MYPN: variants seen among roughly 807,000 people sequenced by gnomAD.
MYPN encodes the protein sarcomeric protein myopalladin, 145 kDa (MYOP).
Under a neutral mutation model 129.4 loss-of-function variants are expected in MYPN, and 63 were observed. The observed-to-expected ratio is 0.49, with a 90% CI of 0.40 to 0.60. MYPN has a LOEUF of 0.60. Among genes scored for constraint, MYPN ranks in the 20% least tolerant of loss-of-function variants. MYPN has a pLI of 0.00. For missense variants in MYPN, 1,596 were observed against 1,635.4 expected (o/e 0.98, Z 0.42); for synonymous variants, 629 against 600.9 (o/e 1.05, Z -0.68).
intron 12 of MYPN, among the ~76,000 whole-genome samples, chr10:68,182,304 AAC>A (rs201682907): frequency 0.5 from 32,296 of 64,728 alleles, 7,625 homozygotes; most frequent in East Asian, 0.81. Context: ...ACATATATAT[AAC>A]ACACACATAT....
intron 18 of MYPN, among the ~76,000 whole-genome samples, chr10:68,204,384 C>T (rs12415303): frequency 0.41 from 62,532 of 152,046 alleles, 13,697 homozygotes; most frequent in Non-Finnish European, 0.49. Context: ...CAGGCTCAAG[C>T]CCTATTCAAT....
Position 68,122,273 on chromosome 10 carries a change from G to C in MYPN, c.835G>C (p.Glu279Gln), listed in dbSNP as rs1187225110. The stretch of plus-strand genomic sequence containing the variant: ...GTTCACTCAAAAGTTACGGAGCAGA[G>C]AAGTTCCAGAAGGAACTCGAGTACA... Reference protein sequence around the residue: ...PRFTQKLRSREVPEGTRVQLD... With the variant: ...PRFTQKLRSRQVPEGTRVQLD... Residue 279 changes from glutamate to glutamine, a missense_variant, in exon 2 of 20, where the codon GAA becomes CAA. Physicochemically the swap from Glu to Gln is conservative, Grantham distance 29 (BLOSUM62 2). Coordinates refer to ENST00000358913, the MANE Select transcript of MYPN (RefSeq NM_032578.4). The C allele has an allele frequency of 6.2e-7, 1 of 1,613,922 alleles. No individual in the cohort carries two copies. The highest frequency in any genetic ancestry group is 8.5e-7 in the Non-Finnish European group (1 of 1,179,990).
chr10:68,143,420 C>T (rs867352076), intron 3 of MYPN, among the ~76,000 whole-genome samples: 14 of 151,542 alleles, frequency 9.2e-5, no homozygotes, highest in Middle Eastern at 3.2e-3. Flanking sequence ...GTGTAGGGGG[C>T]GGAGGAGTGG....
At chr10:68,158,939 C>T (rs531869737) in intron 7 of MYPN, among the ~76,000 whole-genome samples, 15 of 151,464 alleles carry the variant, frequency 9.9e-5, no homozygotes, top group African/African-American at 3.4e-4. Context: ...CTCACTCTGT[C>T]ACCCAGGCTG....
At chr10:68,122,486 T>C in intron 2 of MYPN, 146 bp downstream of exon 2, 1 of 792,606 alleles carries the variant, frequency 1.3e-6, no homozygotes, top group Admixed American at 2.3e-5. Context: ...CTTGGTCCAA[T>C]AGAAATGTAA....
At chr10:68,168,793 C>G (rs116742076) in intron 10 of MYPN, among the ~76,000 whole-genome samples, 1 of 151,636 alleles carries the variant, frequency 6.6e-6, no homozygotes, top group Non-Finnish European at 1.5e-5. Context: ...ATGCCAGAGT[C>G]GGGATGAAAA....
chr10:68,139,311 T>C (rs1439781779), intron 2 of MYPN, among the ~76,000 whole-genome samples: 2 of 152,200 alleles, frequency 1.3e-5, no homozygotes, highest in Non-Finnish European at 2.9e-5. Context: ...GCTGCACAAA[T>C]TGGCTTCTTC....
chr10:68,177,418 A>T (rs1439402462), intron 12 of MYPN, among the ~76,000 whole-genome samples: 1 of 152,226 alleles, frequency 6.6e-6, no homozygotes, highest in Non-Finnish European at 1.5e-5. Context: ...TGCCATGGAT[A>T]ATGAAATCCA....
chr10:68,117,790 A>G (rs902120813), intron 1 of MYPN, among the ~76,000 whole-genome samples: 1 of 150,992 alleles, frequency 6.6e-6, no homozygotes, highest in Non-Finnish European at 1.5e-5. Context: ...AAATAATAAT[A>G]ATAATTATTA....
At chr10:68,170,041 C>A (rs2043121721) in intron 10 of MYPN, among the ~76,000 whole-genome samples, 1 of 152,070 alleles carries the variant, frequency 6.6e-6, no homozygotes, top group African/African-American at 2.4e-5. Flanking sequence ...CGCACCCAGA[C>A]AAAAGTCACA....
intron 15 of MYPN, among the ~76,000 whole-genome samples, chr10:68,196,183 G>A (rs2043601061): frequency 6.6e-6 from 1 of 152,212 alleles, no homozygotes; most frequent in South Asian, 2.1e-4. Flanking sequence ...ACCCATTGAA[G>A]TAAGTTACCA....
At chr10:68,207,046 T>A (rs1442946813) in intron 19 of MYPN, 143 bp downstream of exon 19, 1 of 1,014,146 alleles carries the variant, frequency 9.9e-7, no homozygotes, top group Non-Finnish European at 1.5e-6. Context: ...TCACCTGAGG[T>A]CAGGAGTTCA....
rs1189234094 is a variant in MYPN at position 68,113,022 on chromosome 10, T to C, written c.-2+3299T>C. Among the ~76,000 whole-genome samples, 2 of 152,334 alleles carry C rather than the reference T, an allele frequency of 1.3e-5. 1 individual carries two copies. The highest frequency in any genetic ancestry group is 2.9e-5 in the Non-Finnish European group (2 of 68,026). The stretch of plus-strand genomic sequence containing the variant: ...TTCTCTAGGGTGATATCATTGGATA[T>C]AGAAGGCAAAACCAACAGGTCAATA... On this transcript the variant is annotated intron_variant, in intron 1 of 19. Transcript: ENST00000358913.
At chr10:68,142,029 A>G (rs1441347214) in intron 2 of MYPN, among the ~76,000 whole-genome samples, 1 of 152,192 alleles carries the variant, frequency 6.6e-6, no homozygotes, top group Non-Finnish European at 1.5e-5. Context: ...TAGCCTATAC[A>G]TTTGTCATTT....
chr10:68,090,105 T>G (rs760610376), intron 1 of MYPN, among the ~76,000 whole-genome samples: 2 of 152,162 alleles, frequency 1.3e-5, no homozygotes, highest in African/African-American at 2.4e-5. Context: ...TTATAAAACC[T>G]ACAGAGCAGA....
intron 1 of MYPN, among the ~76,000 whole-genome samples, 198 bp downstream of exon 1, chr10:68,109,921 C>T (rs1306892641): frequency 6.6e-6 from 1 of 152,112 alleles, no homozygotes; most frequent in Non-Finnish European, 1.5e-5. Flanking sequence ...ATTGATGAGA[C>T]TCACAGAGAT....
At position 68,182,317 on chromosome 10, in the gene MYPN, ATATAACATATATATAACAC is replaced by A. The variant is rs1233296264; in HGVS notation, c.2704-6587_2704-6569del. Among the ~76,000 whole-genome samples, 348 of 78,892 alleles carry A rather than the reference ATATAACATATATATAACAC, an allele frequency of 4.4e-3. 25 individuals are homozygous for A. The highest frequency in any genetic ancestry group is 0.021 in the Middle Eastern group (4 of 190). The allele number at this position is 78,892 out of a possible 152,430, so 51.8% of individuals were successfully genotyped here. A position where few individuals can be genotyped will look rare whatever the true frequency, so the allele number is the denominator to read the frequency against. ...TAACATATATATAACACACACATAT[ATATAACATATATATAACAC>A]ACACATATATAACATATATATAACA... On this transcript the variant is annotated intron_variant, in intron 12 of 19. Transcript: ENST00000358913.
intron 1 of MYPN, among the ~76,000 whole-genome samples, chr10:68,113,237 A>T (rs2133969036): frequency 6.6e-6 from 1 of 152,346 alleles, no homozygotes; most frequent in Middle Eastern, 3.4e-3. Context: ...TAGATGAGTT[A>T]CTTAAACATA....
At position 68,150,100 on chromosome 10, in the gene MYPN, G is replaced by A. The variant is rs1172083148; in HGVS notation, c.1306G>A (p.Val436Met). The A allele has an allele frequency of 6.8e-6, 11 of 1,613,120 alleles. No individual in the cohort carries two copies. In the Admixed American group the frequency reaches 1.7e-4, roughly 24 times the overall value. Residue 436 changes from valine (V) to methionine (M), a missense_variant, in exon 6 of 20, where the codon GTG (valine) becomes ATG (methionine). Transcript: ENST00000358913. ...LDGKPIIAAP[V>M]FTKMLQNLSA... is the part of the protein sequence containing the mutation. ...TGGAAAACCTATCATTGCAGCTCCT[G>A]TGTTTACAAAGGTAATAAAAATATT...
Sources: gnomAD v4.1 joint callset for allele counts (sites outside exome capture counted in the v4.1 genomes callset) on GRCh38, gnomAD v4.1.1 for gene constraint, MANE v1.5 for transcripts, NCBI Gene and HGNC (gene_info 2026-07-23, HGNC 2026-07-21) for gene names.